The following COPB2 variants were observed in gnomAD, a reference collection of about 807,000 sequenced individuals.
COPB2 encodes the protein coatomer subunit beta'.
Under a neutral mutation model 120.8 loss-of-function variants are expected in COPB2, and 16 were observed. The ratio of observed to expected loss-of-function variants is 0.13; its 90% confidence interval spans 0.09 to 0.20. The LOEUF is 0.20. Among genes scored for constraint, COPB2 ranks in the 10% least tolerant of loss-of-function variants. The pLI is 1.00. For synonymous variants in COPB2, 332 were observed against 366.3 expected (o/e 0.91, Z 1.07); for missense variants, 794 against 1,076.5 (o/e 0.74, Z 3.67).
Position 139,373,755 on chromosome 3 carries a change from A to T in COPB2, c.805T>A (p.Tyr269Asn), listed in dbSNP as rs370965357. 6.2e-7 allele frequency: 1 copy of T among 1,614,090 alleles called. No individual in the cohort carries two copies. The highest frequency in any genetic ancestry group is 8.5e-7 in the Non-Finnish European group (1 of 1,179,994). ...ACGCACCATACCCTCTCCATTCCAT[A>T]ATTCAGTGTGCTCTCAAGCCGGTAG... ...STYRLESTLNYGMERVWCVAS... is the reference protein window; with the variant it reads ...STYRLESTLNNGMERVWCVAS... The change falls in exon 8 of 22, where the codon TAT becomes AAT. Residue 269 changes from tyrosine (Y) to asparagine (N), a missense_variant. Tyr to Asn is a moderately radical substitution (Grantham distance 143). This residue lies in a region of COPB2 where 610 missense variants were observed against 866.7 expected (regional missense o/e 0.70). Coordinates refer to ENST00000333188, the MANE Select transcript of COPB2 (RefSeq NM_004766.3).
At chr3:139,371,855 G>A (rs1560017247) in intron 9 of COPB2, 22 bp from the exon 10 acceptor site, 2 of 1,600,152 alleles carry the variant, frequency 1.2e-6, no homozygotes, top group Non-Finnish European at 1.7e-6. Flanking sequence ...AGAAGCCAGG[G>A]AGGGAAGTAC....
intron 15 of COPB2, among the ~76,000 whole-genome samples, chr3:139,366,269 T>A (rs1212019603): frequency 2.6e-5 from 4 of 151,898 alleles, no homozygotes; most frequent in Non-Finnish European, 5.9e-5. Context: ...AAAAAGCAGA[T>A]GGGATAAAGC....
rs764099279 is a variant in COPB2, at chr3:139,362,471, C to T, written c.1931G>A (p.Arg644His). 9.9e-6 allele frequency: 16 copies of T among 1,612,558 alleles called. No homozygotes were observed. The highest frequency in any genetic ancestry group is 1.3e-5 in the Non-Finnish European group (15 of 1,179,366). The change falls in exon 16 of 22, where the codon CGT becomes CAT. Residue 644 changes from arginine (R) to histidine (H), a missense_variant. Arg to His is a conservative substitution (Grantham distance 29, BLOSUM62 0). Coordinates refer to ENST00000333188, the MANE Select transcript of COPB2 (RefSeq NM_004766.3). The stretch of plus-strand genomic sequence containing the variant: ...TCCAAGCTGAAGAGCAAGCTCAAAA[C>T]GATGCTCAGGATCTGTGGATACTGT... ...ALTVSTDPEH[R>H]FELALQLGEL...
intron 7 of COPB2, 61 bp from the exon 8 acceptor site, chr3:139,373,869 G>C (rs1941668539): frequency 5.0e-6 from 8 of 1,590,960 alleles, no homozygotes; most frequent in Non-Finnish European, 6.0e-6. Flanking sequence ...AACTGTGTCA[G>C]GTGAAAGAGA....
Position 139,359,004 on chromosome 3 carries a change from A to G in COPB2, c.2478T>C (p.Leu826=). The change falls in exon 19 of 22, where the codon CTT becomes CTC. Residue 826 remains leucine, a synonymous_variant. Coordinates refer to ENST00000333188, the MANE Select transcript of COPB2 (RefSeq NM_004766.3). ...ADLWPAKQYP[L]VTPNEERNVM... is the part of the protein sequence containing the mutation. ...TGACATCCTGGCCACTCACCGTGACAAGTGGGTATTGTTTGGCTGGCCACA... is the reference window on the plus strand; with the variant it reads ...TGACATCCTGGCCACTCACCGTGACGAGTGGGTATTGTTTGGCTGGCCACA... The G allele has an allele frequency of 6.2e-7, 1 of 1,612,034 alleles. No homozygotes were observed. Among genetic ancestry groups the G allele is most frequent in the Non-Finnish European group, 8.5e-7 (1 of 1,179,320 alleles).
chr3:139,378,273 C>CA lies in COPB2; in HGVS notation c.356-85_356-84insT, dbSNP rs1450126404. 2.0e-5 allele frequency: 26 copies of CA among 1,272,382 alleles called. No individual in the cohort carries two copies. In the Admixed American group the frequency reaches 5.7e-4, roughly 28 times the overall value. The allele number at this position is 1,272,382 out of a possible 1,614,324, so 78.8% of individuals were successfully genotyped here. ...GACACAGTCTTTAGAAGAAGCAAAC[C>CA]TAACACAAACCATATAATCCATGAC... is the stretch of plus-strand genomic sequence containing the variant. On this transcript the variant is annotated intron_variant, in intron 4 of 21. Coordinates refer to ENST00000333188, the MANE Select transcript of COPB2 (RefSeq NM_004766.3).
chr3:139,374,677 A>G, intron 6 of COPB2, 89 bp from the exon 7 acceptor site: 1 of 931,172 alleles, frequency 1.1e-6, no homozygotes, highest in South Asian at 2.1e-5. Context: ...GATACATTAT[A>G]AATGATAGTA....
chr3:139,362,857 T>C (rs1941450129), intron 15 of COPB2, among the ~76,000 whole-genome samples: 2 of 152,164 alleles, frequency 1.3e-5, no homozygotes, highest in South Asian at 4.1e-4. Context: ...TTTTGCAAAG[T>C]TGACTAAACA....
intron 20 of COPB2, 99 bp from the exon 21 acceptor site, chr3:139,358,370 AGAT>A: frequency 1.8e-6 from 2 of 1,081,402 alleles, no homozygotes. Flanking sequence ...AGGAAGTGGG[AGAT>A]GATGTTTAAA....
chr3:139,383,881 A>C (rs1452721108), intron 1 of COPB2, among the ~76,000 whole-genome samples: 1 of 152,224 alleles, frequency 6.6e-6, no homozygotes, highest in Non-Finnish European at 1.5e-5. Context: ...CAAAAAATTT[A>C]GTGAAAAGAG....
At chr3:139,389,466 T>A in intron 1 of COPB2, 82 bp downstream of exon 1, 1 of 1,456,802 alleles carries the variant, frequency 6.9e-7, no homozygotes. Flanking sequence ...GACCACTGCT[T>A]ACCGCGGCCC....
rs1284545337 is a variant in COPB2 at position 139,362,567 on chromosome 3, GTA to G, written c.1885-52_1885-51del. 3.5e-6 allele frequency: 4 copies of G among 1,146,648 alleles called. No individual in the cohort carries two copies. The African/African-American group carries it at 4.8e-5, about 14-fold the overall frequency. 71.0% of individuals were successfully genotyped at this position (1,146,648 alleles called of 1,614,324 possible). A position where few individuals can be genotyped will look rare whatever the true frequency, so the allele number is the denominator to read the frequency against. ...TATATTTATGCATACAAAAATGTATGTATGTTTTATATATATATATATACACA... is the reference window on the plus strand; with the variant it reads ...TATATTTATGCATACAAAAATGTATGTGTTTTATATATATATATATACACA... On this transcript the variant is annotated intron_variant, in intron 15 of 21. Coordinates refer to ENST00000333188, the MANE Select transcript of COPB2 (RefSeq NM_004766.3).
Position 139,369,158 on chromosome 3 carries a change from C to A in COPB2, c.1401+103G>T, listed in dbSNP as rs773720783. On this transcript the variant is annotated intron_variant, in intron 12 of 21. Transcript: ENST00000333188. Reference sequence around the variant, plus strand: ...TATATTTTAAATGGCTTTTGATAATCGAAGAGGGAGAGCAGGGTACAAAAG... The same window carrying A: ...TATATTTTAAATGGCTTTTGATAATAGAAGAGGGAGAGCAGGGTACAAAAG... 15 of 747,884 alleles carry A rather than the reference C, an allele frequency of 2.0e-5. No homozygotes were observed. In the South Asian group the frequency reaches 3.6e-4, roughly 18 times the overall value. 46.3% of individuals were successfully genotyped at this position (747,884 alleles called of 1,614,324 possible). A position where few individuals can be genotyped will look rare whatever the true frequency, so the allele number is the denominator to read the frequency against.
chr3:139,367,432 C>G (rs1465996139), intron 13 of COPB2, among the ~76,000 whole-genome samples: 1 of 151,802 alleles, frequency 6.6e-6, no homozygotes, highest in African/African-American at 2.4e-5. Context: ...GGATTACAGG[C>G]GCCCGCCACC....
chr3:139,368,483 G>A (rs1211397132), intron 12 of COPB2, among the ~76,000 whole-genome samples, 195 bp from the exon 13 acceptor site: 3 of 152,210 alleles, frequency 2.0e-5, no homozygotes, highest in African/African-American at 7.2e-5. Context: ...GCAATGGAAA[G>A]ACCAAAGGGA....
At chr3:139,373,171 A>C (rs1310904162) in intron 9 of COPB2, 42 bp downstream of exon 9, 5 of 1,592,158 alleles carry the variant, frequency 3.1e-6, no homozygotes, top group Non-Finnish European at 4.3e-6. Context: ...AACCTGTTCT[A>C]ACATACACAG....
intron 7 of COPB2, 27 bp downstream of exon 7, chr3:139,374,462 A>G (rs1409136511): frequency 1.3e-6 from 2 of 1,580,172 alleles, no homozygotes; most frequent in African/African-American, 2.7e-5. Context: ...TTACTAGCAC[A>G]GGAATAAACA....
intron 1 of COPB2, among the ~76,000 whole-genome samples, chr3:139,384,365 C>T (rs556316887): frequency 6.6e-6 from 1 of 152,238 alleles, no homozygotes; most frequent in Non-Finnish European, 1.5e-5. Flanking sequence ...CCTACTTCAA[C>T]TGATAAGCCT....
intron 1 of COPB2, chr3:139,388,336 C>T (rs570529237): frequency 8.4e-4 from 123 of 145,782 alleles, no homozygotes; most frequent in African/African-American, 3.1e-3. Flanking sequence ...AAGTATGACA[C>T]GCAAATCCGT....
Sources: gnomAD v4.1 joint callset for allele counts (sites outside exome capture counted in the v4.1 genomes callset) on GRCh38, gnomAD v4.1.1 for gene constraint, gnomAD v4.1.1 regional missense constraint, MANE v1.5 for transcripts, NCBI Gene and HGNC (gene_info 2026-07-23, HGNC 2026-07-21) for gene names.